ACTG1: variants seen among roughly 807,000 people sequenced by gnomAD.
The protein encoded by ACTG1 is actin, cytoplasmic 2.
In ACTG1, 14 loss-of-function variants were observed where a neutral mutation model predicts 34.3. The ratio of observed to expected loss-of-function variants is 0.41; its 90% CI spans 0.27 to 0.64. The LOEUF (loss-of-function observed/expected upper bound fraction) is 0.64. Among genes scored for constraint, ACTG1 ranks in the 30% least tolerant of loss-of-function variants. The pLI is 0.33. For synonymous variants in ACTG1, 422 were observed against 213.9 expected, an observed-to-expected ratio of 1.97 and a Z score of -8.49; for missense variants, 233 against 529.5, an observed-to-expected ratio of 0.44 and a Z score of 5.50.
intron 2 of ACTG1, 26 bp from the exon 3 acceptor site, chr17:81,512,168 G>A (rs782798449): frequency 2.5e-6 from 4 of 1,613,168 alleles, no homozygotes; most frequent in Admixed American, 3.3e-5. Flanking sequence ...CGTCAGCCTC[G>A]CCGGCGACAC....
At chr17:81,512,470 G>T in intron 1 of ACTG1, 110 bp from the exon 2 acceptor site, 1 of 1,579,500 alleles carries the variant, frequency 6.3e-7, no homozygotes. Context: ...CAACCCCAGC[G>T]GCCGTGGCCT....
rs782078011 is a variant in ACTG1, at chr17:81,510,658, T to A, written c.*32A>T. ...CAAATTTCTATTCTCAATTAACCCA[T>A]GCAGCAAATGCTACGCATCTGCTGA... On this transcript the variant is annotated 3_prime_UTR_variant, in exon 6 of 6. Coordinates refer to ENST00000573283, the MANE Select transcript of ACTG1 (RefSeq NM_001614.5). 1 of 1,612,938 alleles carries A rather than the reference T, an allele frequency of 6.2e-7. No individual in the cohort carries two copies. The highest frequency in any genetic ancestry group is 8.5e-7 in the Non-Finnish European group (1 of 1,179,702).
Position 81,510,138 on chromosome 17 carries a change from G to A in ACTG1, c.*552C>T, listed in dbSNP as rs562913515. 1.2e-4 allele frequency: 60 copies of A among 488,366 alleles called. No individual in the cohort carries two copies. Among genetic ancestry groups the A allele is most frequent in the African/African-American group, 3.2e-4 (16 of 50,744 alleles). 30.3% of individuals were successfully genotyped at this position (488,366 alleles called of 1,614,324 possible). ...ATTAAGAATGAATACATTTACAGGCGTAAATGCAAACCGCTTCCAACTCAA... is the reference window on the plus strand; with the variant it reads ...ATTAAGAATGAATACATTTACAGGCATAAATGCAAACCGCTTCCAACTCAA... On this transcript the variant is annotated 3_prime_UTR_variant, in exon 6 of 6. Coordinates refer to ENST00000573283, the MANE Select transcript of ACTG1 (RefSeq NM_001614.5).
intron 2 of ACTG1, 24 bp downstream of exon 2, chr17:81,512,208 A>G (rs1555667183): frequency 2.5e-6 from 4 of 1,613,162 alleles, no homozygotes; most frequent in Non-Finnish European, 2.5e-6. Flanking sequence ...AGAACCCAGG[A>G]GCCCCGCGGC....
In ACTG1 at chr17:81,510,729, G is replaced by C; in HGVS notation, c.1089C>G (p.Asp363Glu). The C allele has an allele frequency of 6.2e-7, 1 of 1,614,052 alleles. No homozygotes were observed. The highest frequency in any genetic ancestry group is 8.5e-7 in the Non-Finnish European group (1 of 1,180,006). ...GGTGGACGATGGAGGGGCCCGACTC[G>C]TCGTACTCCTGCTTGCTAATCCACA... The part of the protein sequence containing the change: ...QQMWISKQEY[D>E]ESGPSIVHRK... The change falls in exon 6 of 6, where the codon GAC becomes GAG. Residue 363 changes from aspartate (D) to glutamate (E), a missense_variant. Physicochemically the swap from Asp to Glu is conservative, Grantham distance 45. Coordinates refer to ENST00000573283, the MANE Select transcript of ACTG1 (RefSeq NM_001614.5).
In ACTG1 at chr17:81,510,367, C is replaced by G. The variant is rs1478319979; in HGVS notation, c.*323G>C. The G allele has an allele frequency of 8.6e-6, 4 of 464,180 alleles. No individual in the cohort carries two copies. Among genetic ancestry groups the G allele is most frequent in the African/African-American group, 6.0e-5 (3 of 50,344 alleles). The allele number at this position is 464,180 out of a possible 1,614,324, so 28.8% of individuals were successfully genotyped here. ...GAGGCTGCTGGCCACACAGACTCACCAAGCCACAGACTTGTCTTCCACAAG... is the reference window on the plus strand; with the variant it reads ...GAGGCTGCTGGCCACACAGACTCACGAAGCCACAGACTTGTCTTCCACAAG... On this transcript the variant is annotated 3_prime_UTR_variant, in exon 6 of 6. Transcript: ENST00000573283.
rs782246678 is a variant in ACTG1 at position 81,512,359 on chromosome 17, A to C, written c.-5T>G. On this transcript the variant is annotated splice_region_variant and 5_prime_UTR_variant, in exon 2 of 6. Coordinates refer to ENST00000573283, the MANE Select transcript of ACTG1 (RefSeq NM_001614.5). ...CGCGGCGATCTCTTCTTCCATTGCGACCTGCCCGGAAAAGGATGGACTCAG... is the reference window on the plus strand; with the variant it reads ...CGCGGCGATCTCTTCTTCCATTGCGCCCTGCCCGGAAAAGGATGGACTCAG... The C allele has an allele frequency of 6.2e-7, 1 of 1,613,700 alleles. No homozygotes were observed. The highest frequency in any genetic ancestry group is 1.7e-5 in the Admixed American group (1 of 59,996).
At chr17:81,512,425 T>TA in intron 1 of ACTG1, 65 bp from the exon 2 acceptor site, 1 of 1,612,690 alleles carries the variant, frequency 6.2e-7, no homozygotes, top group Non-Finnish European at 8.5e-7. Context: ...CACAGCCACC[T>TA]AATGCCCTCC....
In ACTG1 at chr17:81,511,252, C is replaced by T. The variant is rs1555666632; in HGVS notation, c.738G>A (p.Gln246=). 8 of 1,613,666 alleles carry T rather than the reference C, an allele frequency of 5.0e-6. No individual in the cohort carries two copies. Among genetic ancestry groups the T allele is most frequent in the Admixed American group, 1.7e-5 (1 of 60,006 alleles). ...ACCGCTCATTGCCAATGGTGATGACCTGGCCATCGGGCAGCTCGTAGCTCT... is the reference window on the plus strand; with the variant it reads ...ACCGCTCATTGCCAATGGTGATGACTTGGCCATCGGGCAGCTCGTAGCTCT... ...LEKSYELPDG[Q]VITIGNERFR... Residue 246 remains glutamine, a synonymous_variant, in exon 4 of 6, where the codon CAG becomes CAA. Coordinates refer to ENST00000573283, the MANE Select transcript of ACTG1 (RefSeq NM_001614.5).
chr17:81,512,767 A>G lies in ACTG1; in HGVS notation c.-40T>C, dbSNP rs1212369577. 2 of 416,336 alleles carry G rather than the reference A, an allele frequency of 4.8e-6. No homozygotes were observed. Among genetic ancestry groups the G allele is most frequent in the Non-Finnish European group, 4.7e-6 (1 of 211,802 alleles). 25.8% of individuals were successfully genotyped at this position (416,336 alleles called of 1,614,324 possible). ...AAACGCGACGGCGGAGCGGCGGAAG[A>G]ACAGAGTGCGAGAGCTGGCAGCGGC... is the stretch of plus-strand genomic sequence containing the variant. On this transcript the variant is annotated 5_prime_UTR_variant, in exon 1 of 6. Transcript: ENST00000573283.
In ACTG1 at chr17:81,510,358, C is replaced by G. The variant is rs1384523707; in HGVS notation, c.*332G>C. 3 of 453,948 alleles carry G rather than the reference C, an allele frequency of 6.6e-6. No individual in the cohort carries two copies. The highest frequency in any genetic ancestry group is 1.2e-5 in the Non-Finnish European group (3 of 240,546). The allele number at this position is 453,948 out of a possible 1,614,324, so 28.1% of individuals were successfully genotyped here. On this transcript the variant is annotated 3_prime_UTR_variant, in exon 6 of 6. Coordinates refer to ENST00000573283, the MANE Select transcript of ACTG1 (RefSeq NM_001614.5). ...CACAGATCAGAGGCTGCTGGCCACA[C>G]AGACTCACCAAGCCACAGACTTGTC...
Position 81,510,456 on chromosome 17 carries a change from T to C in ACTG1, c.*234A>G, listed in dbSNP as rs566690751. ...GTACTAAAGGTTGAACTCAAAGATA[T>C]GTACAGGGTATTAAACAAATACCAA... On this transcript the variant is annotated 3_prime_UTR_variant, in exon 6 of 6. Transcript: ENST00000573283. 4.7e-5 allele frequency: 32 copies of C among 674,204 alleles called. No homozygotes were observed. Among genetic ancestry groups the C allele is most frequent in the Non-Finnish European group, 6.7e-5 (25 of 373,718 alleles). 41.8% of individuals were successfully genotyped at this position (674,204 alleles called of 1,614,324 possible). A position where few individuals can be genotyped will look rare whatever the true frequency, so the allele number is the denominator to read the frequency against.
rs554686385 is a variant in ACTG1, at chr17:81,510,095, A to G, written c.*595T>C. 8 of 461,864 alleles carry G rather than the reference A, an allele frequency of 1.7e-5. No individual in the cohort carries two copies. The highest frequency in any genetic ancestry group is 1.1e-4 in the South Asian group (7 of 63,702). 28.6% of individuals were successfully genotyped at this position (461,864 alleles called of 1,614,324 possible). On this transcript the variant is annotated 3_prime_UTR_variant, in exon 6 of 6. Transcript: ENST00000573283. ...CTTCAAAGAATCGAGAATTGCGTAC[A>G]AAAAAAACCTTACATAAATTAAGAA... is the stretch of plus-strand genomic sequence containing the variant.
In ACTG1 at chr17:81,512,401, C is replaced by G. The variant is rs201009307; in HGVS notation, c.-6-41G>C. 5.6e-6 allele frequency: 9 copies of G among 1,613,606 alleles called. No homozygotes were observed. The Admixed American group carries it at 6.7e-5, about 12-fold the overall frequency. ...TGGACTCAGGCGGGCGCGTCTGTAA[C>G]ACGGTCCCCTCCCCACAGCCACCTA... On this transcript the variant is annotated intron_variant, in intron 1 of 5. Transcript: ENST00000573283.
intron 3 of ACTG1, 113 bp from the exon 4 acceptor site, chr17:81,511,739 G>C (rs528555178): frequency 6.6e-7 from 1 of 1,513,424 alleles, no homozygotes. Flanking sequence ...AGAAAAGAAC[G>C]CAGGCAGAAA....
At chr17:81,512,171 G>C in intron 2 of ACTG1, 29 bp from the exon 3 acceptor site, 1 of 1,613,236 alleles carries the variant, frequency 6.2e-7, no homozygotes, top group Non-Finnish European at 8.5e-7. Context: ...CAGCCTCGCC[G>C]GCGACACCGA....
At chr17:81,512,618 G>A (rs2031888426) in intron 1 of ACTG1, 116 bp downstream of exon 1, 7 of 551,910 alleles carry the variant, frequency 1.3e-5, no homozygotes, top group Admixed American at 3.2e-5. Flanking sequence ...GGCCCACCCC[G>A]CCTTTTGTTC....
Position 81,511,576 on chromosome 17 carries a change from G to C in ACTG1, c.414C>G (p.Ala138=), listed in dbSNP as rs143978597. ...NTPAMYVAIQ[A]VLSLYASGRT... ...GCCCAGAGGCGTAGAGGGACAGCACGGCCTGGATGGCCACGTACATGGCCG... is the reference window on the plus strand; with the variant it reads ...GCCCAGAGGCGTAGAGGGACAGCACCGCCTGGATGGCCACGTACATGGCCG... Residue 138 remains alanine, a synonymous_variant, in exon 4 of 6, where the codon GCC becomes GCG. Coordinates refer to ENST00000573283, the MANE Select transcript of ACTG1 (RefSeq NM_001614.5). 2.7e-5 allele frequency: 43 copies of C among 1,613,702 alleles called. No homozygotes were observed. Among genetic ancestry groups the C allele is most frequent in the Non-Finnish European group, 3.6e-5 (42 of 1,180,026 alleles).
chr17:81,511,693 A>G, intron 3 of ACTG1, 67 bp from the exon 4 acceptor site: 1 of 1,552,760 alleles, frequency 6.4e-7, no homozygotes, highest in Non-Finnish European at 8.8e-7. Flanking sequence ...CTCACACGCC[A>G]CAACATGCTG....
Sources: gnomAD v4.1 joint callset for allele counts on GRCh38, gnomAD v4.1.1 for gene constraint, MANE v1.5 for transcripts, NCBI Gene and HGNC (gene_info 2026-07-23, HGNC 2026-07-21) for gene names.